Variants in DAP observed in about 807,000 individuals in gnomAD.
DAP encodes death associated protein.
In DAP, 8 loss-of-function variants were observed where a neutral mutation model predicts 13.8. The observed-to-expected ratio is 0.58, with a 90% CI of 0.34 to 1.05. The LOEUF (loss-of-function observed/expected upper bound fraction) is 1.05, where lower values mean the gene tolerates loss of function less well. DAP is among the 50% of genes least tolerant of loss of function. The pLI is 0.03. For missense variants in DAP, 106 were observed against 133.2 expected, an observed-to-expected ratio of 0.80 and a Z score of 1.01; for synonymous variants, 47 against 47.5, an observed-to-expected ratio of 0.99 and a Z score of 0.04.
intron 2 of DAP, among the ~76,000 whole-genome samples, chr5:10,712,702 T>C (rs1738884095): frequency 1.3e-5 from 2 of 152,176 alleles, no homozygotes; most frequent in African/African-American, 4.8e-5. Context: ...GAGAGAGTTC[T>C]AGACTAGGGC....
chr5:10,702,946 C>G (rs1344635283), intron 2 of DAP, among the ~76,000 whole-genome samples: 1 of 152,230 alleles, frequency 6.6e-6, no homozygotes, highest in East Asian at 1.9e-4. Flanking sequence ...TTACCCTGAG[C>G]ATAAACGATC....
intron 2 of DAP, among the ~76,000 whole-genome samples, chr5:10,730,483 G>A (rs925708195): frequency 6.6e-6 from 1 of 151,692 alleles, no homozygotes; most frequent in Non-Finnish European, 1.5e-5. Context: ...ACCCTGGTTG[G>A]GGCAATCTTT....
At chr5:10,715,046 C>T (rs559717319) in intron 2 of DAP, among the ~76,000 whole-genome samples, 1 of 152,072 alleles carries the variant, frequency 6.6e-6, no homozygotes, top group Non-Finnish European at 1.5e-5. Flanking sequence ...CTAACACATA[C>T]GAATATACAG....
chr5:10,736,487 T>G (rs1472979536), intron 2 of DAP, among the ~76,000 whole-genome samples: 2 of 152,220 alleles, frequency 1.3e-5, no homozygotes, highest in African/African-American at 4.8e-5. Flanking sequence ...GATGTCATCC[T>G]GCATGGGGCT....
intron 3 of DAP, among the ~76,000 whole-genome samples, chr5:10,682,871 C>G (rs887581315): frequency 1.3e-5 from 2 of 152,218 alleles, no homozygotes; most frequent in African/African-American, 4.8e-5. Context: ...CAGGACAGAA[C>G]CAAATCCAGG....
At chr5:10,716,191 C>G (rs1738982836) in intron 2 of DAP, among the ~76,000 whole-genome samples, 1 of 152,184 alleles carries the variant, frequency 6.6e-6, no homozygotes, top group Non-Finnish European at 1.5e-5. Flanking sequence ...GGTGAAGAAA[C>G]AGCGGGCAGA....
At chr5:10,699,036 G>T (rs1270468449) in intron 2 of DAP, among the ~76,000 whole-genome samples, 1 of 152,210 alleles carries the variant, frequency 6.6e-6, no homozygotes, top group East Asian at 1.9e-4. Flanking sequence ...AAAAGGTGCA[G>T]GTTTGGGGGG....
intron 1 of DAP, among the ~76,000 whole-genome samples, chr5:10,753,847 T>C (rs772231019): frequency 8.5e-5 from 13 of 152,190 alleles, no homozygotes; most frequent in Non-Finnish European, 1.6e-4. Context: ...GCTATGGAAA[T>C]GTTATTCAAA....
At position 10,729,696 on chromosome 5, in the gene DAP, G is replaced by A. The variant is rs115554054; in HGVS notation, c.152+18479C>T. Among the ~76,000 whole-genome samples the A allele has an allele frequency of 4.1e-3, 629 of 152,266 alleles. 6 individuals are homozygous for A. Among genetic ancestry groups the A allele is most frequent in the African/African-American group, 0.015 (603 of 41,546 alleles). On this transcript the variant is annotated intron_variant, in intron 2 of 3. Coordinates refer to ENST00000230895, the MANE Select transcript of DAP (RefSeq NM_004394.3). ...ACTAGCACACCAAACACTCTTGATC[G>A]TGCCTAGTTTGCAGGATCCTTAGCC...
intron 2 of DAP, 33 bp from the exon 3 acceptor site, chr5:10,683,604 C>T (rs750916734): frequency 2.5e-6 from 4 of 1,607,132 alleles, no homozygotes; most frequent in South Asian, 2.2e-5. Context: ...GCAGATTTAA[C>T]AAAACAGTCC....
intron 2 of DAP, among the ~76,000 whole-genome samples, chr5:10,686,374 C>A (rs56315823): frequency 0.084 from 12,709 of 150,912 alleles, 737 homozygotes; most frequent in African/African-American, 0.16. Flanking sequence ...AGAAATGACC[C>A]AGCTTAGCGA....
At chr5:10,746,255 G>C (rs1739901567) in intron 2 of DAP, among the ~76,000 whole-genome samples, 1 of 151,976 alleles carries the variant, frequency 6.6e-6, no homozygotes, top group African/African-American at 2.4e-5. Context: ...TTACAGGAGA[G>C]TTGCTGATGC....
intron 2 of DAP, among the ~76,000 whole-genome samples, chr5:10,742,924 A>ACCATCCATCCAT (rs369437281): frequency 1.7e-3 from 229 of 134,296 alleles, no homozygotes; most frequent in African/African-American, 6.2e-3. Flanking sequence ...GTTTGTATCT[A>ACCATCCATCCAT]CCATCCATCC....
At chr5:10,696,647 A>G (rs938348096) in intron 2 of DAP, among the ~76,000 whole-genome samples, 1 of 152,206 alleles carries the variant, frequency 6.6e-6, no homozygotes. Flanking sequence ...GGCAATAAGT[A>G]ATGAATTAGT....
chr5:10,758,198 T>A (rs1318307640), intron 1 of DAP, among the ~76,000 whole-genome samples: 1 of 150,008 alleles, frequency 6.7e-6, no homozygotes, highest in Non-Finnish European at 1.5e-5. Flanking sequence ...TTTAGTGTAG[T>A]GGGCCGCCTT....
At chr5:10,752,394 C>T (rs1740068315) in intron 1 of DAP, among the ~76,000 whole-genome samples, 1 of 152,184 alleles carries the variant, frequency 6.6e-6, no homozygotes, top group African/African-American at 2.4e-5. Context: ...GTATCACTGT[C>T]TCTAGAACTC....
intron 2 of DAP, among the ~76,000 whole-genome samples, chr5:10,710,622 C>T (rs886943624): frequency 5.9e-5 from 9 of 152,258 alleles, no homozygotes; most frequent in Admixed American, 3.9e-4. Flanking sequence ...CACCAATGGA[C>T]GGGCTGGTGG....
At chr5:10,684,631 A>G (rs531155685) in intron 2 of DAP, among the ~76,000 whole-genome samples, 1 of 152,332 alleles carries the variant, frequency 6.6e-6, no homozygotes, top group Admixed American at 6.5e-5. Context: ...TTACAAAAAT[A>G]GTTATACTGT....
At chr5:10,760,732 G>A (rs1740321621) in intron 1 of DAP, among the ~76,000 whole-genome samples, 1 of 152,216 alleles carries the variant, frequency 6.6e-6, no homozygotes, top group Non-Finnish European at 1.5e-5. Context: ...GTTCGCCCAA[G>A]GCACCGGAGC....
Sources: allele counts gnomAD v4.1 joint callset (sites outside exome capture counted in the v4.1 genomes callset), GRCh38; gene constraint gnomAD v4.1.1; transcripts MANE v1.5; gene names NCBI Gene and HGNC (gene_info 2026-07-23, HGNC 2026-07-21).